Variants in ABCG1 observed in about 807,000 individuals in gnomAD.
ABCG1 encodes the protein ATP binding cassette subfamily G member 1, also known as ATP-binding cassette sub-family G member 1.
A neutral mutation model predicts 69.2 loss-of-function variants in ABCG1; 29 were observed. That is an observed-to-expected ratio of 0.42 (90% CI 0.31 to 0.57). The LOEUF (loss-of-function observed/expected upper bound fraction) is 0.57, where lower values mean the gene tolerates loss of function less well. Among genes scored for constraint, ABCG1 ranks in the 20% least tolerant of loss-of-function variants. The pLI, the probability that ABCG1 is intolerant of heterozygous loss-of-function variation, is 0.15. For missense variants in ABCG1, 718 were observed against 898.1 expected (o/e 0.80, Z 2.56); for synonymous variants, 370 against 374.8 (o/e 0.99, Z 0.15).
chr21:42,225,564 T>C (rs2067801956), intron 1 of ABCG1, 107 bp from the exon 2 acceptor site: 1 of 1,390,346 alleles, frequency 7.2e-7, no homozygotes, highest in Non-Finnish European at 9.8e-7. Flanking sequence ...GTGGAAGAAG[T>C]GTTGCTATTA....
chr21:42,207,107 T>C (rs1329021427), intron 2 of ABCG1: 1 of 152,216 alleles, frequency 6.6e-6, no homozygotes. Flanking sequence ...TGGAGTTTGC[T>C]AAGGTTCTTG....
intron 1 of ABCG1, among the ~76,000 whole-genome samples, chr21:42,221,679 G>A (rs1335546256): frequency 6.6e-6 from 1 of 152,186 alleles, no homozygotes; most frequent in Admixed American, 6.6e-5. Flanking sequence ...CCTCTTATGT[G>A]CTTAGGATGC....
intron 2 of ABCG1, among the ~76,000 whole-genome samples, chr21:42,263,563 G>A (rs2068449296): frequency 1.3e-5 from 2 of 152,200 alleles, no homozygotes. Flanking sequence ...ACACCTCAGC[G>A]ACATTTACAG....
chr21:42,264,628 G>A (rs2068471458), intron 2 of ABCG1, among the ~76,000 whole-genome samples: 1 of 152,206 alleles, frequency 6.6e-6, no homozygotes, highest in South Asian at 2.1e-4. Flanking sequence ...CTACTTCTCA[G>A]AGGATGCTGG....
intron 2 of ABCG1, among the ~76,000 whole-genome samples, chr21:42,232,594 C>T (rs867600273): frequency 1.3e-5 from 2 of 152,180 alleles, no homozygotes; most frequent in African/African-American, 4.8e-5. Context: ...TGCTCTGCTC[C>T]GTGGGGGTTG....
intron 14 of ABCG1, 181 bp downstream of exon 14, chr21:42,294,841 C>T: frequency 1.7e-6 from 1 of 598,372 alleles, no homozygotes; most frequent in Non-Finnish European, 3.0e-6. Flanking sequence ...CTCACCAACA[C>T]ACACACACTA....
chr21:42,215,116 C>G (rs2067625948), upstream of ABCG1, among the ~76,000 whole-genome samples: 1 of 152,190 alleles, frequency 6.6e-6, no homozygotes, highest in Non-Finnish European at 1.5e-5. Flanking sequence ...GCAGGGGAAC[C>G]AGGGATTCAG....
upstream of ABCG1, among the ~76,000 whole-genome samples, chr21:42,215,250 C>A (rs796263113): frequency 6.6e-6 from 1 of 152,204 alleles, no homozygotes. Flanking sequence ...CACAGGCCCA[C>A]CTGGACATGT....
At chr21:42,289,688 A>G (rs984969203) in intron 10 of ABCG1, among the ~76,000 whole-genome samples, 2 of 152,224 alleles carry the variant, frequency 1.3e-5, no homozygotes, top group East Asian at 1.9e-4. Context: ...AGCCTCTGAT[A>G]TAGCCACTTT....
intron 5 of ABCG1, among the ~76,000 whole-genome samples, chr21:42,279,481 C>T (rs1475351456): frequency 6.6e-6 from 1 of 152,220 alleles, no homozygotes; most frequent in Non-Finnish European, 1.5e-5. Context: ...CACCGGATGG[C>T]CTTGGGCCAC....
rs1360335336 is a variant in ABCG1 at position 42,287,678 on chromosome 21, C to T, written c.974-211C>T. Among the ~76,000 whole-genome samples, 1 of 152,212 alleles carries T rather than the reference C, an allele frequency of 6.6e-6. No individual in the cohort carries two copies. The highest frequency in any genetic ancestry group is 2.4e-5 in the African/African-American group (1 of 41,448). ...GACAGCACAGTGTGTGTTTGCGTTT[C>T]CCGTCTCCTGACATGATAAAGGGCC... On this transcript the variant is annotated intron_variant, in intron 8 of 14. Transcript: ENST00000398449. This position sits in a 1 kb window ranked among gnomAD's most constrained non-coding sequence, Gnocchi z 6.2.
At chr21:42,263,268 T>A (rs1165220805) in intron 2 of ABCG1, among the ~76,000 whole-genome samples, 1 of 152,198 alleles carries the variant, frequency 6.6e-6, no homozygotes, top group Admixed American at 6.5e-5. Flanking sequence ...CCTTGACTTT[T>A]CCATGGGCAA....
chr21:42,202,571 C>A (rs2067514789), intron 2 of ABCG1, among the ~76,000 whole-genome samples: 1 of 151,774 alleles, frequency 6.6e-6, no homozygotes, highest in South Asian at 2.1e-4. Flanking sequence ...ACTTAGTCAC[C>A]CCCATCTTAA....
intron 10 of ABCG1, among the ~76,000 whole-genome samples, chr21:42,289,002 G>A (rs1359970133): frequency 6.6e-6 from 1 of 152,146 alleles, no homozygotes; most frequent in African/African-American, 2.4e-5. Context: ...ACCCAAAGGA[G>A]AAGTCCACCC....
Position 42,291,879 on chromosome 21 carries a change from C to T in ABCG1, c.1653+223C>T, listed in dbSNP as rs77784801. Among the ~76,000 whole-genome samples the T allele has an allele frequency of 0.054, 8,159 of 152,236 alleles. 284 individuals are homozygous for T. The highest frequency in any genetic ancestry group is 0.091 in the African/African-American group (3,776 of 41,514). On this transcript the variant is annotated intron_variant, in intron 13 of 14. Transcript: ENST00000398449. The surrounding 1 kb of genome is among the most constrained non-coding windows in gnomAD (Gnocchi z 6.4). ...TCACGTGTGCTGACTGCGTGCTGGG[C>T]GCTCTTCCCAGCGCTTCCCAGATCT...
At position 42,219,403 on chromosome 21, in the gene ABCG1, G is replaced by A. The variant is rs373717217; in HGVS notation, c.42+99G>A. On this transcript the variant is annotated intron_variant, in intron 1 of 14. Coordinates refer to ENST00000398449, the MANE Select transcript of ABCG1 (RefSeq NM_016818.3). This position sits in a 1 kb window ranked among gnomAD's most constrained non-coding sequence, Gnocchi z 5.3. The stretch of plus-strand genomic sequence containing the variant: ...CAAGCTCGACCTGACACCCCTCCCA[G>A]GAGCGCGTCCTCTGGGCGCTGACCC... 38 of 1,491,686 alleles carry A rather than the reference G, an allele frequency of 2.5e-5. No homozygotes were observed. Among genetic ancestry groups the A allele is most frequent in the East Asian group, 1.6e-4 (6 of 38,210 alleles). The allele number at this position is 1,491,686 out of a possible 1,614,324, so 92.4% of individuals were successfully genotyped here. A position where few individuals can be genotyped will look rare whatever the true frequency, so the allele number is the denominator to read the frequency against.
intron 2 of ABCG1, among the ~76,000 whole-genome samples, chr21:42,202,897 G>A: frequency 6.6e-6 from 1 of 152,172 alleles, no homozygotes; most frequent in Non-Finnish European, 1.5e-5. Flanking sequence ...ACAGGTGTGA[G>A]CCACAATGCC....
intron 14 of ABCG1, chr21:42,295,156 A>C (rs1277903397): frequency 6.4e-6 from 1 of 155,512 alleles, no homozygotes; most frequent in Non-Finnish European, 1.4e-5. Flanking sequence ...CCCCGTCTCC[A>C]CTAAAAACAC....
upstream of ABCG1, among the ~76,000 whole-genome samples, chr21:42,214,437 A>G (rs28494082): frequency 0.14 from 21,020 of 152,272 alleles, 1,722 homozygotes; most frequent in East Asian, 0.24. Context: ...CAGCCAGAAT[A>G]GACTAAGACA....
Sources: gnomAD v4.1 joint callset for allele counts (sites outside exome capture counted in the v4.1 genomes callset) on GRCh38, gnomAD v4.1.1 for gene constraint, Gnocchi (gnomAD v3.1) non-coding constraint, MANE v1.5 for transcripts, NCBI Gene and HGNC (gene_info 2026-07-23, HGNC 2026-07-21) for gene names.